The following TBX15 variants were observed in gnomAD, a reference collection of about 807,000 sequenced individuals.
TBX15 encodes the protein T-box transcription factor TBX15.
A neutral mutation model predicts 53.9 loss-of-function variants in TBX15; 18 were observed. The ratio of observed to expected loss-of-function variants is 0.33; its 90% CI spans 0.23 to 0.49. TBX15 has a LOEUF of 0.49. TBX15 is among the 20% of genes least tolerant of loss of function. The probability of loss-of-function intolerance (pLI) is 0.98; values close to 1 mark genes in which losing one functional copy is unlikely to be tolerated. For synonymous variants in TBX15, 295 were observed against 278.0 expected (o/e 1.06, Z -0.61); for missense variants, 692 against 749.5 (o/e 0.92, Z 0.90).
At chr1:118,945,931 G>A (rs1656333009) in intron 1 of TBX15, among the ~76,000 whole-genome samples, 1 of 152,154 alleles carries the variant, frequency 6.6e-6, no homozygotes, top group South Asian at 2.1e-4. Context: ...TGGTGTATGA[G>A]CTGTTGTATA....
chr1:118,915,657 G>A (rs752737824), intron 5 of TBX15, among the ~76,000 whole-genome samples: 4 of 152,278 alleles, frequency 2.6e-5, no homozygotes, highest in Middle Eastern at 3.4e-3. Flanking sequence ...GTGTTTGACC[G>A]AAAATCAGTT....
intron 6 of TBX15, among the ~76,000 whole-genome samples, 198 bp downstream of exon 6, chr1:118,913,917 G>C (rs1655104837): frequency 6.6e-6 from 1 of 152,194 alleles, no homozygotes. Context: ...AACAGCATGA[G>C]GGATTTGATC....
Position 118,960,236 on chromosome 1 carries a change from A to G in TBX15, c.205+27355T>C, listed in dbSNP as rs1460662777. Among the ~76,000 whole-genome samples, 3 of 152,072 alleles carry G rather than the reference A, an allele frequency of 2.0e-5. No homozygotes were observed. In the East Asian group the frequency reaches 5.8e-4, roughly 29 times the overall value. ...GTTTATGGGCCTGACGTGACTTTCCAACTAAGTACATCCGCTAGGCTTGCA... is the reference window on the plus strand; with the variant it reads ...GTTTATGGGCCTGACGTGACTTTCCGACTAAGTACATCCGCTAGGCTTGCA... On this transcript the variant is annotated intron_variant, in intron 1 of 7. Coordinates refer to ENST00000369429, the MANE Select transcript of TBX15 (RefSeq NM_001330677.2).
intron 1 of TBX15, among the ~76,000 whole-genome samples, chr1:118,941,822 T>A (rs1299548811): frequency 6.6e-6 from 1 of 152,132 alleles, no homozygotes; most frequent in Non-Finnish European, 1.5e-5. Flanking sequence ...GGGCTTAGGA[T>A]CCAAAAGACT....
intron 1 of TBX15, among the ~76,000 whole-genome samples, chr1:118,975,460 G>T (rs1657392891): frequency 6.6e-6 from 1 of 152,084 alleles, no homozygotes; most frequent in Admixed American, 6.5e-5. Flanking sequence ...ACCTACAAAG[G>T]TTCAACATTC....
chr1:118,954,587 A>AC (rs1196037366), intron 1 of TBX15, among the ~76,000 whole-genome samples: 4 of 152,200 alleles, frequency 2.6e-5, no homozygotes, highest in African/African-American at 7.2e-5. Flanking sequence ...AAAGTCAATA[A>AC]AGTTCACTAT....
At chr1:118,901,137 G>T (rs983742336) in intron 6 of TBX15, among the ~76,000 whole-genome samples, 1 of 152,112 alleles carries the variant, frequency 6.6e-6, no homozygotes, top group Non-Finnish European at 1.5e-5. Context: ...ATTTTGTGCT[G>T]CTATAACCTA....
chr1:118,978,838 CA>C (rs771163581), intron 1 of TBX15, among the ~76,000 whole-genome samples: 2 of 152,086 alleles, frequency 1.3e-5, no homozygotes, highest in Non-Finnish European at 2.9e-5. Context: ...CCTTTGATGC[CA>C]AAAAATATCA....
In TBX15 at chr1:118,987,830, C is replaced by G. The variant is rs1287370398; in HGVS notation, c.-35G>C. On this transcript the variant is annotated 5_prime_UTR_variant, in exon 1 of 8. Transcript: ENST00000369429. Reference sequence around the variant, plus strand: ...CCACACCCCTGCCTCCGCTTGCCCCCGCTACCGAGGGAGCAGCCGGCGCCC... The same window carrying G: ...CCACACCCCTGCCTCCGCTTGCCCCGGCTACCGAGGGAGCAGCCGGCGCCC... 2.6e-6 allele frequency: 4 copies of G among 1,545,048 alleles called. No homozygotes were observed. Among genetic ancestry groups the G allele is most frequent in the Non-Finnish European group, 2.6e-6 (3 of 1,144,604 alleles).
chr1:118,925,132 G>A (rs558884902), intron 3 of TBX15, among the ~76,000 whole-genome samples: 9 of 152,246 alleles, frequency 5.9e-5, no homozygotes, highest in East Asian at 5.8e-4. Context: ...TCTCCATGCC[G>A]TGCACCCCTG....
intron 1 of TBX15, among the ~76,000 whole-genome samples, chr1:118,979,971 CGGGCCGAG>C (rs1553228471): frequency 1.3e-5 from 2 of 152,178 alleles, no homozygotes; most frequent in South Asian, 2.1e-4. Context: ...CCTCCAAGGC[CGGGCCGAG>C]GGGCCGAGGG....
intron 7 of TBX15, among the ~76,000 whole-genome samples, chr1:118,895,459 G>T (rs1654390763): frequency 6.6e-6 from 1 of 152,182 alleles, no homozygotes; most frequent in Non-Finnish European, 1.5e-5. Context: ...TTGAGGCACA[G>T]ATTTTATTCA....
chr1:118,919,939 T>C (rs1212862308), intron 5 of TBX15, among the ~76,000 whole-genome samples: 4 of 152,350 alleles, frequency 2.6e-5, no homozygotes, highest in Middle Eastern at 6.8e-3. Context: ...ATTGAATGTC[T>C]ACATTCATAA....
intron 5 of TBX15, among the ~76,000 whole-genome samples, chr1:118,923,160 G>A (rs1655478862): frequency 1.3e-5 from 2 of 151,740 alleles, no homozygotes; most frequent in African/African-American, 4.8e-5. Context: ...TACTATCTAA[G>A]GAATTTGAGA....
chr1:118,901,264 T>C (rs1157824456), intron 6 of TBX15: 2 of 441,460 alleles, frequency 4.5e-6, no homozygotes, highest in Non-Finnish European at 9.1e-6. Context: ...GAGTCATACA[T>C]GGTGAAAGAT....
In TBX15 at chr1:118,979,499, AG is replaced by A. The variant is rs112350598; in HGVS notation, c.205+8091del. On this transcript the variant is annotated intron_variant, in intron 1 of 7. Coordinates refer to ENST00000369429, the MANE Select transcript of TBX15 (RefSeq NM_001330677.2). The stretch of plus-strand genomic sequence containing the variant: ...TTGGTTTCTAATTGCTAATGTTTGA[AG>A]TCAGTTTGATTCCTCGGAAATTTGT... 6.0e-4 allele frequency among the ~76,000 whole-genome samples: 92 copies of A among 152,254 alleles called. 4 individuals are homozygous for A. The highest frequency in any genetic ancestry group is 2.0e-3 in the African/African-American group (83 of 41,558).
intron 3 of TBX15, 147 bp downstream of exon 3, chr1:118,926,362 TG>T: frequency 2.6e-6 from 2 of 754,944 alleles, no homozygotes; most frequent in Non-Finnish European, 4.6e-6. Flanking sequence ...TTTTTCCACC[TG>T]GTGCTCTGCC....
intron 3 of TBX15, 135 bp downstream of exon 3, chr1:118,926,375 C>T: frequency 3.7e-6 from 3 of 818,954 alleles, no homozygotes; most frequent in Non-Finnish European, 6.1e-6. Context: ...TGCTCTGCCA[C>T]AGGCCATTGA....
intron 1 of TBX15, among the ~76,000 whole-genome samples, chr1:118,982,629 A>G (rs1657684413): frequency 6.6e-6 from 1 of 152,262 alleles, no homozygotes; most frequent in Non-Finnish European, 1.5e-5. Context: ...TAGGCATTGC[A>G]TGCCATTCTT....
Sources: allele counts gnomAD v4.1 joint callset (sites outside exome capture counted in the v4.1 genomes callset), GRCh38; gene constraint gnomAD v4.1.1; transcripts MANE v1.5; gene names NCBI Gene and HGNC (gene_info 2026-07-23, HGNC 2026-07-21).